DOCK8: variants seen among roughly 807,000 people sequenced by gnomAD.
DOCK8 encodes the protein dedicator of cytokinesis 8.
A neutral mutation model predicts 245.6 loss-of-function variants in DOCK8; 141 were observed. The ratio of observed to expected loss-of-function variants is 0.57; its 90% CI spans 0.50 to 0.66. The LOEUF is 0.66. Among genes scored for constraint, DOCK8 ranks in the 30% least tolerant of loss-of-function variants. DOCK8 has a pLI of 0.00. For missense variants in DOCK8, 2,965 were observed against 2,603.4 expected (o/e 1.14, Z -3.02); for synonymous variants, 1,168 against 970.2 (o/e 1.20, Z -3.79).
At chr9:364,749 T>C (rs1460743765) in intron 14 of DOCK8, among the ~76,000 whole-genome samples, 7 of 152,164 alleles carry the variant, frequency 4.6e-5, no homozygotes, top group African/African-American at 1.7e-4. Flanking sequence ...AGTGGGTGGT[T>C]GCTATTCTTT....
At chr9:415,357 C>G (rs1189959168) in intron 29 of DOCK8, among the ~76,000 whole-genome samples, 4 of 151,868 alleles carry the variant, frequency 2.6e-5, no homozygotes, top group Non-Finnish European at 4.4e-5. Flanking sequence ...AAAGCGGTCT[C>G]AAATGAACCC....
At chr9:400,565 A>C (rs1403683711) in intron 26 of DOCK8, among the ~76,000 whole-genome samples, 1 of 44,164 alleles carries the variant, frequency 2.3e-5, no homozygotes, top group African/African-American at 1.8e-4. Flanking sequence ...CTTCACCATC[A>C]CCACCACCAC....
At chr9:425,474 G>C (rs963268496) in intron 33 of DOCK8, among the ~76,000 whole-genome samples, 4 of 150,668 alleles carry the variant, frequency 2.7e-5, no homozygotes, top group African/African-American at 9.9e-5. Context: ...GGAGCTTGCG[G>C]TGAGCCAAGA....
intron 5 of DOCK8, among the ~76,000 whole-genome samples, chr9:305,555 G>A (rs1215302303): frequency 6.6e-6 from 1 of 152,180 alleles, no homozygotes; most frequent in Non-Finnish European, 1.5e-5. Context: ...AAAGTGCTGG[G>A]ATTACAGGCA....
intron 1 of DOCK8, among the ~76,000 whole-genome samples, chr9:229,562 T>A (rs1007349382): frequency 6.6e-6 from 1 of 152,174 alleles, no homozygotes; most frequent in Non-Finnish European, 1.5e-5. Flanking sequence ...AATTGCCACA[T>A]GTCCCCAAAG....
At chr9:273,342 G>T (rs566181367) in intron 2 of DOCK8, among the ~76,000 whole-genome samples, 1 of 152,026 alleles carries the variant, frequency 6.6e-6, no homozygotes, top group Non-Finnish European at 1.5e-5. Context: ...TGCATATTGT[G>T]TCCATTTTCA....
chr9:248,939 G>A (rs904756381), intron 1 of DOCK8, among the ~76,000 whole-genome samples: 1 of 152,208 alleles, frequency 6.6e-6, no homozygotes, highest in African/African-American at 2.4e-5. Flanking sequence ...AGGTGACAGA[G>A]TGAAGTGAGT....
rs115900738 is a variant in DOCK8 at position 406,675 on chromosome 9, A to G, written c.3391-255A>G. Reference sequence around the variant, plus strand: ...GATTTCAGGTGGGAAAGGGAGCGTCATTCATTTTTCAACAGACCCGGGGTG... The same window carrying G: ...GATTTCAGGTGGGAAAGGGAGCGTCGTTCATTTTTCAACAGACCCGGGGTG... On this transcript the variant is annotated intron_variant, in intron 27 of 47. Transcript: ENST00000432829. 0.021 allele frequency among the ~76,000 whole-genome samples: 3,163 copies of G among 152,014 alleles called. 121 individuals are homozygous for G. Among genetic ancestry groups the G allele is most frequent in the African/African-American group, 0.073 (3,020 of 41,432 alleles).
Position 418,430 on chromosome 9 carries a change from A to AT in DOCK8, c.3840+231dup, listed in dbSNP as rs374490515. 8.2e-4 allele frequency among the ~76,000 whole-genome samples: 125 copies of AT among 151,696 alleles called. No homozygotes were observed. The East Asian group carries it at 0.012, about 15-fold the overall frequency. On this transcript the variant is annotated intron_variant, in intron 30 of 47. Transcript: ENST00000432829. ...AGGCGTGCACCACCACACCTGGCTA[A>AT]TTTTTTTTGTATCTTTTAGTAGAGA...
chr9:281,738 A>T (rs1192676076), intron 2 of DOCK8, among the ~76,000 whole-genome samples: 1 of 152,154 alleles, frequency 6.6e-6, no homozygotes, highest in Non-Finnish European at 1.5e-5. Context: ...AATCTTTTTT[A>T]GTTCCTGGTT....
intron 7 of DOCK8, 105 bp from the exon 8 acceptor site, chr9:325,566 G>T: frequency 1.1e-6 from 1 of 929,628 alleles, no homozygotes; most frequent in Admixed American, 1.7e-5. Context: ...AAATATTTCG[G>T]GAAACTGCTC....
intron 13 of DOCK8, among the ~76,000 whole-genome samples, chr9:339,755 C>T (rs1386726894): frequency 6.6e-6 from 1 of 152,212 alleles, no homozygotes; most frequent in Non-Finnish European, 1.5e-5. Context: ...ACCTCGTGAT[C>T]CACCTGCCTC....
rs1348331890 is a variant in DOCK8, at chr9:347,724, T to C, written c.1679+7403T>C. 2.0e-5 allele frequency among the ~76,000 whole-genome samples: 3 copies of C among 152,296 alleles called. No individual in the cohort carries two copies. In the South Asian group the frequency reaches 6.2e-4, roughly 32 times the overall value. On this transcript the variant is annotated intron_variant, in intron 14 of 47. Transcript: ENST00000432829. ...GTGAATTTCTGGTGCTAGTTGCAAC[T>C]TGGTCTCGATAATAAATCAGGAACA...
rs538328837 is a variant in DOCK8, at chr9:325,856, T to C, written c.894+119T>C. On this transcript the variant is annotated intron_variant, in intron 8 of 47. Transcript: ENST00000432829. ...ATCAGATTTGAAAGCAAATGATCTT[T>C]GATGAGTCCAGTTCTGTTGCCTTTG... is the stretch of plus-strand genomic sequence containing the variant. The C allele has an allele frequency of 8.4e-6, 8 of 947,236 alleles. No individual in the cohort carries two copies. In the Admixed American group the frequency reaches 8.9e-5, roughly 11 times the overall value. The allele number at this position is 947,236 out of a possible 1,614,324, so 58.7% of individuals were successfully genotyped here. A position where few individuals can be genotyped will look rare whatever the true frequency, so the allele number is the denominator to read the frequency against.
At chr9:348,170 A>T (rs1417633364) in intron 14 of DOCK8, among the ~76,000 whole-genome samples, 4 of 152,034 alleles carry the variant, frequency 2.6e-5, no homozygotes, top group Admixed American at 6.6e-5. Context: ...GGGGAGGGGG[A>T]CCAAGAGATG....
At chr9:456,125 C>T (rs2057633633) in intron 46 of DOCK8, 1 of 152,158 alleles carries the variant, frequency 6.6e-6, no homozygotes, top group Non-Finnish European at 1.5e-5. Flanking sequence ...GCTGATGGTG[C>T]ACAACTGTGT....
chr9:335,771 G>T (rs1388581625), intron 11 of DOCK8, among the ~76,000 whole-genome samples: 1 of 152,130 alleles, frequency 6.6e-6, no homozygotes, highest in Non-Finnish European at 1.5e-5. Context: ...ATGCAAAGAT[G>T]TCATGTATTA....
At chr9:228,848 C>T (rs12338838) in intron 1 of DOCK8, among the ~76,000 whole-genome samples, 6,283 of 152,188 alleles carry the variant, frequency 0.041, 414 homozygotes, top group African/African-American at 0.14. Flanking sequence ...CTGCCATTAT[C>T]GGGTGGCTCA....
chr9:456,998 C>T (rs941896986), intron 46 of DOCK8: 2 of 152,140 alleles, frequency 1.3e-5, no homozygotes, highest in African/African-American at 2.4e-5. Flanking sequence ...TGGTCATAGG[C>T]TCAGAAAACA....
Sources: gnomAD v4.1 joint callset for allele counts (sites outside exome capture counted in the v4.1 genomes callset) on GRCh38, gnomAD v4.1.1 for gene constraint, MANE v1.5 for transcripts, NCBI Gene and HGNC (gene_info 2026-07-23, HGNC 2026-07-21) for gene names.